The following PARP8 variants were observed in gnomAD, a reference collection of about 807,000 sequenced individuals.
The protein encoded by PARP8 is protein mono-ADP-ribosyltransferase PARP8.
Under a neutral mutation model 124.1 loss-of-function variants are expected in PARP8, and 51 were observed. The ratio of observed to expected loss-of-function variants is 0.41; its 90% CI spans 0.33 to 0.52. The LOEUF is 0.52. Among genes scored for constraint, PARP8 ranks in the 20% least tolerant of loss-of-function variants. PARP8 has a pLI of 0.21. For missense variants in PARP8, 860 were observed against 1,018.9 expected, an observed-to-expected ratio of 0.84 and a Z score of 2.12; for synonymous variants, 391 against 361.5, an observed-to-expected ratio of 1.08 and a Z score of -0.93.
At chr5:50,778,031 AT>A in intron 7 of PARP8, 37 bp from the exon 8 acceptor site, 1 of 1,498,134 alleles carries the variant, frequency 6.7e-7, no homozygotes, top group Non-Finnish European at 9.2e-7. Context: ...TTTAAGCATC[AT>A]TAAAATGAAA....
intron 15 of PARP8, among the ~76,000 whole-genome samples, chr5:50,815,821 T>C (rs370539332): frequency 6.6e-6 from 1 of 152,214 alleles, no homozygotes; most frequent in African/African-American, 2.4e-5. Flanking sequence ...TCGTGCATGC[T>C]TTATGTAAAA....
rs537973207 is a variant in PARP8, at chr5:50,842,520, T to C, written c.*452T>C. On this transcript the variant is annotated 3_prime_UTR_variant, in exon 26 of 26. Coordinates refer to ENST00000281631, the MANE Select transcript of PARP8 (RefSeq NM_024615.4). ...CTGATGTGCTATATCATTAGTAGTA[T>C]GGGCATTCTAATGTTTTGGAAGGGG... The C allele has an allele frequency of 6.5e-6, 1 of 153,956 alleles. No individual in the cohort carries two copies. The highest frequency in any genetic ancestry group is 1.9e-4 in the East Asian group (1 of 5,188). 9.5% of individuals were successfully genotyped at this position (153,956 alleles called of 1,614,324 possible). A position where few individuals can be genotyped will look rare whatever the true frequency, so the allele number is the denominator to read the frequency against.
chr5:50,838,814 T>C (rs1747864170), intron 25 of PARP8, among the ~76,000 whole-genome samples: 1 of 152,084 alleles, frequency 6.6e-6, no homozygotes, highest in Non-Finnish European at 1.5e-5. Flanking sequence ...ATTGTGCCTT[T>C]GTTCAGTCAA....
intron 2 of PARP8, among the ~76,000 whole-genome samples, chr5:50,693,146 T>C (rs1395092032): frequency 6.6e-6 from 1 of 152,208 alleles, no homozygotes; most frequent in African/African-American, 2.4e-5. Flanking sequence ...AAATGCTTTT[T>C]TTCTTGCCTT....
chr5:50,739,715 T>C (rs1271669306), intron 2 of PARP8, among the ~76,000 whole-genome samples: 1 of 99,780 alleles, frequency 1.0e-5, no homozygotes, highest in Non-Finnish European at 1.9e-5. Flanking sequence ...TATACATATA[T>C]ATATATATAT....
intron 2 of PARP8, among the ~76,000 whole-genome samples, chr5:50,698,414 GA>G (rs1753252400): frequency 6.6e-6 from 1 of 152,102 alleles, no homozygotes; most frequent in South Asian, 2.1e-4. Context: ...AAATACTTAG[GA>G]ATGAATTTCT....
chr5:50,744,388 T>A (rs139035612), intron 2 of PARP8, among the ~76,000 whole-genome samples: 283 of 152,244 alleles, frequency 1.9e-3, no homozygotes, highest in African/African-American at 6.5e-3. Flanking sequence ...TAAACAAATA[T>A]ATGAACAGAA....
At chr5:50,672,854 G>T (rs1192035207) in intron 2 of PARP8, among the ~76,000 whole-genome samples, 3 of 152,050 alleles carry the variant, frequency 2.0e-5, no homozygotes, top group African/African-American at 7.2e-5. Flanking sequence ...GTGTGTGCAG[G>T]GGTGAGGAGG....
intron 3 of PARP8, among the ~76,000 whole-genome samples, chr5:50,755,722 T>A (rs1195494986): frequency 6.6e-6 from 1 of 152,186 alleles, no homozygotes; most frequent in Admixed American, 6.5e-5. Context: ...GTGAAGAAAG[T>A]CATTGGTAGC....
chr5:50,695,847 T>C (rs1752969308), intron 2 of PARP8, among the ~76,000 whole-genome samples: 3 of 152,332 alleles, frequency 2.0e-5, no homozygotes, highest in South Asian at 4.1e-4. Context: ...GAATTATAAA[T>C]TTCAAAATTT....
chr5:50,688,115 C>G (rs949647600), intron 2 of PARP8, among the ~76,000 whole-genome samples: 1 of 152,108 alleles, frequency 6.6e-6, no homozygotes, highest in African/African-American at 2.4e-5. Flanking sequence ...TCCCAAAGCT[C>G]TAGATTATAG....
chr5:50,843,536 AT>A lies in PARP8; in HGVS notation c.*1470del, dbSNP rs1748384899. 1 of 151,784 alleles carries A rather than the reference AT, an allele frequency of 6.6e-6. No individual in the cohort carries two copies. Among genetic ancestry groups the A allele is most frequent in the African/African-American group, 2.4e-5 (1 of 41,382 alleles). 9.4% of individuals were successfully genotyped at this position (151,784 alleles called of 1,614,324 possible). On this transcript the variant is annotated 3_prime_UTR_variant, in exon 26 of 26. Coordinates refer to ENST00000281631, the MANE Select transcript of PARP8 (RefSeq NM_024615.4). The stretch of plus-strand genomic sequence containing the variant: ...AATTTGTTTTGTTATATTGCAAATA[AT>A]TGATATGCCACTTATTTCTGCAAGA...
intron 7 of PARP8, among the ~76,000 whole-genome samples, chr5:50,768,094 A>G (rs997435813): frequency 1.3e-5 from 2 of 152,130 alleles, no homozygotes; most frequent in Non-Finnish European, 1.5e-5. Flanking sequence ...AACCAACACA[A>G]TGACTGCTGA....
intron 14 of PARP8, among the ~76,000 whole-genome samples, chr5:50,801,796 CT>C (rs1743258676): frequency 6.6e-6 from 1 of 152,122 alleles, no homozygotes; most frequent in African/African-American, 2.4e-5. Flanking sequence ...TTTGGGAAAT[CT>C]GTTGCTGGAT....
chr5:50,843,784 G>T lies in PARP8; in HGVS notation c.*1716G>T, dbSNP rs1016760633. 4 of 151,772 alleles carry T rather than the reference G, an allele frequency of 2.6e-5. No homozygotes were observed. The highest frequency in any genetic ancestry group is 5.9e-5 in the Non-Finnish European group (4 of 67,802). The allele number at this position is 151,772 out of a possible 1,614,324, so 9.4% of individuals were successfully genotyped here. The stretch of plus-strand genomic sequence containing the variant: ...CTACTTTTTTGCCAAGATGCTGCAA[G>T]TCTCCCAAATCACTTCAACTGTGTT... On this transcript the variant is annotated 3_prime_UTR_variant, in exon 26 of 26. Transcript: ENST00000281631.
chr5:50,707,253 A>T (rs1476873287), intron 2 of PARP8, among the ~76,000 whole-genome samples: 1 of 152,076 alleles, frequency 6.6e-6, no homozygotes, highest in East Asian at 1.9e-4. Flanking sequence ...AATTAACATA[A>T]AGATATAATC....
At chr5:50,668,217 C>G in intron 2 of PARP8, 92 bp downstream of exon 2, 1 of 1,240,266 alleles carries the variant, frequency 8.1e-7, no homozygotes, top group Non-Finnish European at 1.2e-6. Context: ...ATTTTGGTTG[C>G]TTGTTTGTTT....
chr5:50,761,455 T>G (rs1472105246), intron 5 of PARP8, among the ~76,000 whole-genome samples: 1 of 152,094 alleles, frequency 6.6e-6, no homozygotes, highest in Non-Finnish European at 1.5e-5. Flanking sequence ...GAGAACAGCC[T>G]GGGACAAATA....
At chr5:50,789,631 G>T (rs546579691) in intron 10 of PARP8, among the ~76,000 whole-genome samples, 1 of 152,148 alleles carries the variant, frequency 6.6e-6, no homozygotes, top group Non-Finnish European at 1.5e-5. Flanking sequence ...ATTTAGGCAC[G>T]TACCTCAGTT....
Sources: allele counts gnomAD v4.1 joint callset (sites outside exome capture counted in the v4.1 genomes callset), GRCh38; gene constraint gnomAD v4.1.1; transcripts MANE v1.5; gene names NCBI Gene and HGNC (gene_info 2026-07-23, HGNC 2026-07-21).